HFM1: variants seen among roughly 807,000 people sequenced by gnomAD.
HFM1 encodes helicase for meiosis 1, also known as probable ATP-dependent DNA helicase HFM1.
Under a neutral mutation model 192.1 loss-of-function variants are expected in HFM1, and 169 were observed. The ratio of observed to expected loss-of-function variants is 0.88; its 90% CI spans 0.78 to 1.00. HFM1 has a LOEUF of 1.00. Among genes scored for constraint, HFM1 ranks in the 50% least tolerant of loss-of-function variants. The pLI is 0.00. For missense variants in HFM1, 1,661 were observed against 1,668.0 expected, an observed-to-expected ratio of 1.00 and a Z score of 0.07; for synonymous variants, 525 against 537.8, an observed-to-expected ratio of 0.98 and a Z score of 0.33.
At chr1:91,340,744 G>A (rs1655217436) in intron 20 of HFM1, among the ~76,000 whole-genome samples, 1 of 152,068 alleles carries the variant, frequency 6.6e-6, no homozygotes, top group African/African-American at 2.4e-5. Context: ...TTAAAGGGAT[G>A]GAGAAAAATC....
At chr1:91,305,427 T>C (rs1490102400) in intron 30 of HFM1, among the ~76,000 whole-genome samples, 1 of 152,212 alleles carries the variant, frequency 6.6e-6, no homozygotes, top group Non-Finnish European at 1.5e-5. Flanking sequence ...TTTTTGATGC[T>C]ATTGTACAAT....
intron 30 of HFM1, among the ~76,000 whole-genome samples, chr1:91,295,381 T>C (rs1358037209): frequency 6.6e-6 from 1 of 152,166 alleles, no homozygotes; most frequent in Non-Finnish European, 1.5e-5. Flanking sequence ...TTGGTAGGGT[T>C]GGTATCTCCT....
Position 91,360,395 on chromosome 1 carries a change from C to A in HFM1, c.1686-7096G>T, listed in dbSNP as rs185349800. The stretch of plus-strand genomic sequence containing the variant: ...AACAGAAAAAAGCAAGGGTTGCAAT[C>A]CTAGTTTCTGACAAAATAGACTTTA... On this transcript the variant is annotated intron_variant, in intron 13 of 38. Transcript: ENST00000370425. Among the ~76,000 whole-genome samples, 798 of 152,242 alleles carry A rather than the reference C, an allele frequency of 5.2e-3. 2 individuals carry two copies. The highest frequency in any genetic ancestry group is 7.7e-3 in the Non-Finnish European group (526 of 68,012).
rs889020082 is a variant in HFM1 at position 91,264,498 on chromosome 1, G to A, written c.3974+1519C>T. Among the ~76,000 whole-genome samples the A allele has an allele frequency of 4.3e-5, 6 of 141,150 alleles. No homozygotes were observed. In the East Asian group the frequency reaches 8.8e-4, roughly 21 times the overall value. The allele number at this position is 141,150 out of a possible 152,430, so 92.6% of individuals were successfully genotyped here. A position where few individuals can be genotyped will look rare whatever the true frequency, so the allele number is the denominator to read the frequency against. ...CGCCATTCTCCTGCCTCAGCCTCCC[G>A]AGTAGCTGGGACTACAGGCGCCCGC... On this transcript the variant is annotated intron_variant, in intron 36 of 38. Coordinates refer to ENST00000370425, the MANE Select transcript of HFM1 (RefSeq NM_001017975.6).
chr1:91,370,011 A>C (rs1463803196), intron 13 of HFM1, among the ~76,000 whole-genome samples: 1 of 151,846 alleles, frequency 6.6e-6, no homozygotes, highest in Non-Finnish European at 1.5e-5. Context: ...TAAATTCCTC[A>C]ACACATACAC....
At chr1:91,312,900 G>A (rs1296741276) in intron 30 of HFM1, among the ~76,000 whole-genome samples, 1 of 152,148 alleles carries the variant, frequency 6.6e-6, no homozygotes, top group South Asian at 2.1e-4. Context: ...CGCTGTTCTT[G>A]TGATAGTGAG....
chr1:91,289,883 G>A (rs1401809034), intron 30 of HFM1, among the ~76,000 whole-genome samples: 1 of 152,112 alleles, frequency 6.6e-6, no homozygotes, highest in Non-Finnish European at 1.5e-5. Flanking sequence ...GGGAGAGGGA[G>A]AGGGAGAGGG....
chr1:91,348,488 T>C (rs187184082), intron 18 of HFM1, among the ~76,000 whole-genome samples: 13 of 152,288 alleles, frequency 8.5e-5, no homozygotes, highest in Admixed American at 5.2e-4. Flanking sequence ...GATAGATTCA[T>C]ACATGTAAAA....
chr1:91,365,956 C>T (rs142366595), intron 13 of HFM1, among the ~76,000 whole-genome samples: 25 of 121,480 alleles, frequency 2.1e-4, no homozygotes, highest in Admixed American at 6.2e-4. Flanking sequence ...TCTCTAACTC[C>T]GGTATGTTCC....
intron 20 of HFM1, chr1:91,328,244 C>A (rs1208933467): frequency 1.8e-6 from 1 of 553,222 alleles, no homozygotes; most frequent in Non-Finnish European, 3.0e-6. Flanking sequence ...AAAAGAAGGG[C>A]TGAGTGTCAG....
intron 8 of HFM1, among the ~76,000 whole-genome samples, chr1:91,379,866 T>C (rs187838228): frequency 1.0e-3 from 157 of 152,304 alleles, no homozygotes; most frequent in African/African-American, 3.7e-3. Flanking sequence ...ATTTGTTCAT[T>C]TTGCCTGTCC....
chr1:91,323,946 T>C (rs1309624875), intron 21 of HFM1, among the ~76,000 whole-genome samples: 1 of 152,214 alleles, frequency 6.6e-6, no homozygotes, highest in Admixed American at 6.5e-5. Flanking sequence ...CTTACCACAG[T>C]AATCAAATTA....
chr1:91,401,807 T>C (rs1664335436), intron 1 of HFM1, among the ~76,000 whole-genome samples: 1 of 152,138 alleles, frequency 6.6e-6, no homozygotes, highest in Non-Finnish European at 1.5e-5. Flanking sequence ...TTTTAAAAGA[T>C]AATTTTTGCA....
At chr1:91,308,743 C>G (rs1650008563) in intron 30 of HFM1, among the ~76,000 whole-genome samples, 1 of 152,090 alleles carries the variant, frequency 6.6e-6, no homozygotes, top group Admixed American at 6.5e-5. Context: ...ATGGTCTTAT[C>G]TCTTTGTGGG....
intron 13 of HFM1, among the ~76,000 whole-genome samples, chr1:91,365,270 C>A (rs1375850700): frequency 6.6e-6 from 1 of 151,670 alleles, no homozygotes; most frequent in Non-Finnish European, 1.5e-5. Flanking sequence ...ATAGTGTGAA[C>A]AAATCTAGAG....
intron 25 of HFM1, among the ~76,000 whole-genome samples, chr1:91,318,786 G>A (rs281999): frequency 1 from 152,175 of 152,356 alleles, 75,997 homozygotes; most frequent in Non-Finnish European, 1. Flanking sequence ...TCACATAGTT[G>A]CCTAATTACT....
At chr1:91,354,195 C>T (rs553986777) in intron 13 of HFM1, among the ~76,000 whole-genome samples, 1 of 150,808 alleles carries the variant, frequency 6.6e-6, no homozygotes, top group South Asian at 2.1e-4. Context: ...TGAATGAAAT[C>T]AAAAATAGAG....
At chr1:91,375,292 T>G in intron 13 of HFM1, 66 bp downstream of exon 13, 2 of 1,130,810 alleles carry the variant, frequency 1.8e-6, no homozygotes, top group East Asian at 4.7e-5. Context: ...CAAGCCTAAT[T>G]TTCTCATGTC....
At chr1:91,293,537 A>T (rs1340851805) in intron 30 of HFM1, among the ~76,000 whole-genome samples, 1 of 149,948 alleles carries the variant, frequency 6.7e-6, no homozygotes, top group Non-Finnish European at 1.5e-5. Flanking sequence ...ATCATTAAAA[A>T]GTCAGGAAAC....
Sources: allele counts gnomAD v4.1 joint callset (sites outside exome capture counted in the v4.1 genomes callset), GRCh38; gene constraint gnomAD v4.1.1; transcripts MANE v1.5; gene names NCBI Gene and HGNC (gene_info 2026-07-23, HGNC 2026-07-21).